UIMC1: variants seen among roughly 807,000 people sequenced by gnomAD.
UIMC1 encodes ubiquitin interaction motif containing 1.
A neutral mutation model predicts 84.9 loss-of-function variants in UIMC1; 42 were observed. That is an observed-to-expected ratio of 0.49 (90% CI 0.39 to 0.64). The LOEUF (loss-of-function observed/expected upper bound fraction) is 0.64, where lower values mean the gene tolerates loss of function less well. Among genes scored for constraint, UIMC1 ranks in the 30% least tolerant of loss-of-function variants. The probability of loss-of-function intolerance (pLI) is 0.00; values close to 1 mark genes in which losing one functional copy is unlikely to be tolerated. For missense variants in UIMC1, 825 were observed against 847.6 expected (o/e 0.97, Z 0.33); for synonymous variants, 281 against 293.0 (o/e 0.96, Z 0.42).
At chr5:176,965,610 T>G (rs1326554381) in intron 6 of UIMC1, among the ~76,000 whole-genome samples, 1 of 152,204 alleles carries the variant, frequency 6.6e-6, no homozygotes, top group Non-Finnish European at 1.5e-5. Flanking sequence ...CATTAGCCAT[T>G]GTGCCTAGCC....
At chr5:177,012,372 T>A (rs1310108625) in intron 1 of UIMC1, among the ~76,000 whole-genome samples, 1 of 152,092 alleles carries the variant, frequency 6.6e-6, no homozygotes, top group Non-Finnish European at 1.5e-5. Context: ...TCCCCACAGA[T>A]TCAATGGGTC....
In UIMC1 at chr5:176,969,289, T is replaced by C; in HGVS notation, c.466A>G (p.Ile156Val). The C allele has an allele frequency of 1.3e-6, 2 of 1,599,780 alleles. No homozygotes were observed. Among genetic ancestry groups the C allele is most frequent in the East Asian group, 4.5e-5 (2 of 44,730 alleles). Reference protein sequence around the residue: ...KTTDSGLTEGIWQLVPPSLFK... With the variant: ...KTTDSGLTEGVWQLVPPSLFK... ...AGTGATGGAGGTACCAGCTGCCATA[T>C]GCCTGTAGGTATTTGAGAAAAAGTA... is the stretch of plus-strand genomic sequence containing the variant. Residue 156 changes from isoleucine (I) to valine (V), a missense_variant and splice_region_variant, in exon 6 of 15, where the codon ATA becomes GTA. Ile to Val is a conservative substitution (Grantham distance 29). Transcript: ENST00000511320.
At chr5:176,998,937 T>C (rs1277211202) in intron 1 of UIMC1, among the ~76,000 whole-genome samples, 1 of 152,004 alleles carries the variant, frequency 6.6e-6, no homozygotes, top group Non-Finnish European at 1.5e-5. Flanking sequence ...CGCCTGTAAT[T>C]CCAGCACTCT....
At chr5:176,982,725 G>A in intron 1 of UIMC1, 102 bp from the exon 2 acceptor site, 3 of 1,344,290 alleles carry the variant, frequency 2.2e-6, no homozygotes. Context: ...TTTTTGAGAT[G>A]GTCTCGCTTT....
At chr5:177,015,608 A>G (rs1358683803) in intron 1 of UIMC1, among the ~76,000 whole-genome samples, 2 of 152,226 alleles carry the variant, frequency 1.3e-5, no homozygotes, top group Non-Finnish European at 2.9e-5. Context: ...TATGTGGACT[A>G]TAATGGAGAA....
intron 10 of UIMC1, among the ~76,000 whole-genome samples, chr5:176,920,151 A>G (rs1299179522): frequency 6.6e-6 from 1 of 152,018 alleles, no homozygotes; most frequent in East Asian, 1.9e-4. Flanking sequence ...CCTCCTGAGT[A>G]GCTGGGATTA....
At chr5:176,931,851 G>A (rs1763125179) in intron 10 of UIMC1, among the ~76,000 whole-genome samples, 1 of 152,178 alleles carries the variant, frequency 6.6e-6, no homozygotes, top group South Asian at 2.1e-4. Context: ...GCACCTGCCT[G>A]TAATCCCAGC....
At chr5:176,924,773 G>A (rs1253931073) in intron 10 of UIMC1, among the ~76,000 whole-genome samples, 1 of 152,108 alleles carries the variant, frequency 6.6e-6, no homozygotes, top group African/African-American at 2.4e-5. Context: ...GGGCGCGGTG[G>A]CTCATATCTG....
intron 6 of UIMC1, among the ~76,000 whole-genome samples, chr5:176,967,289 CAA>C (rs145577017): frequency 3.2e-5 from 4 of 123,964 alleles, no homozygotes; most frequent in African/African-American, 3.0e-5. Context: ...TTTTCACATC[CAA>C]AAAAAAAAAA....
intron 10 of UIMC1, among the ~76,000 whole-genome samples, chr5:176,911,741 C>A (rs1213423208): frequency 6.6e-6 from 1 of 152,176 alleles, no homozygotes; most frequent in Non-Finnish European, 1.5e-5. Flanking sequence ...TCTGGTATGA[C>A]ACACACTCAA....
chr5:176,997,866 G>T (rs1385039626), intron 1 of UIMC1, among the ~76,000 whole-genome samples: 1 of 151,914 alleles, frequency 6.6e-6, no homozygotes, highest in African/African-American at 2.4e-5. Context: ...ATGTCATGAG[G>T]CCTCTATACT....
At chr5:176,933,866 T>C (rs961791963) in intron 10 of UIMC1, among the ~76,000 whole-genome samples, 12 of 151,794 alleles carry the variant, frequency 7.9e-5, no homozygotes, top group African/African-American at 2.4e-4. Flanking sequence ...GAAAAAAAAA[T>C]AGGTTAAAAA....
chr5:176,924,329 A>T (rs6879982), intron 10 of UIMC1, among the ~76,000 whole-genome samples: 63,738 of 151,598 alleles, frequency 0.42, 13,714 homozygotes, highest in East Asian at 0.48. Flanking sequence ...AAAAAAAAAA[A>T]AATAATAAAA....
intron 10 of UIMC1, 84 bp downstream of exon 10, chr5:176,943,251 G>GT: frequency 4.1e-6 from 6 of 1,465,602 alleles, no homozygotes; most frequent in Non-Finnish European, 5.4e-6. Context: ...GAACAGCTAT[G>GT]TTTTTTCCCT....
chr5:177,008,751 T>C (rs1017364980), upstream of UIMC1, among the ~76,000 whole-genome samples: 5 of 152,172 alleles, frequency 3.3e-5, no homozygotes, highest in Non-Finnish European at 7.3e-5. Flanking sequence ...AATAACTCAC[T>C]TCTAAACAAT....
chr5:176,972,390 G>C (rs1173024636), intron 3 of UIMC1, among the ~76,000 whole-genome samples: 1 of 147,874 alleles, frequency 6.8e-6, no homozygotes, highest in Non-Finnish European at 1.5e-5. Flanking sequence ...AACAGAGTGA[G>C]ACTCCGTCTC....
At chr5:176,994,181 G>C (rs1415495789) in intron 1 of UIMC1, among the ~76,000 whole-genome samples, 2 of 151,498 alleles carry the variant, frequency 1.3e-5, no homozygotes, top group African/African-American at 4.9e-5. Context: ...ACTCCAGCCT[G>C]AACAACACAC....
At chr5:176,981,095 T>C (rs192574783) in intron 2 of UIMC1, among the ~76,000 whole-genome samples, 1 of 151,904 alleles carries the variant, frequency 6.6e-6, no homozygotes, top group East Asian at 1.9e-4. Context: ...ACTATGTAGA[T>C]AAAAGTCCTA....
chr5:176,995,096 T>G (rs1581687742), intron 1 of UIMC1, among the ~76,000 whole-genome samples: 1 of 152,212 alleles, frequency 6.6e-6, no homozygotes, highest in South Asian at 2.1e-4. Context: ...ACAGGAAAAC[T>G]TGTTTTTCTC....
Sources: gnomAD v4.1 joint callset for allele counts (sites outside exome capture counted in the v4.1 genomes callset) on GRCh38, gnomAD v4.1.1 for gene constraint, MANE v1.5 for transcripts, NCBI Gene and HGNC (gene_info 2026-07-23, HGNC 2026-07-21) for gene names.